The following GUCY1A2 variants were observed in gnomAD, a reference collection of about 807,000 sequenced individuals.
GUCY1A2 encodes the protein guanylate cyclase 1 soluble subunit alpha 2.
Under a neutral mutation model 63.5 loss-of-function variants are expected in GUCY1A2, and 27 were observed. That is an observed-to-expected ratio of 0.43 (90% confidence interval 0.31 to 0.59). The LOEUF (loss-of-function observed/expected upper bound fraction) is 0.59. Ranked by LOEUF, GUCY1A2 falls within the 20% of genes least tolerant of loss-of-function variation. The probability of loss-of-function intolerance (pLI) is 0.11; values close to 1 mark genes in which losing one functional copy is unlikely to be tolerated. For synonymous variants in GUCY1A2, 364 were observed against 343.5 expected (o/e 1.06, Z -0.66); for missense variants, 768 against 913.3 (o/e 0.84, Z 2.05).
intron 6 of GUCY1A2, among the ~76,000 whole-genome samples, chr11:106,709,187 T>C (rs1287704903): frequency 6.0e-5 from 7 of 115,770 alleles, no homozygotes; most frequent in Admixed American, 1.1e-4. Flanking sequence ...ATATTATATA[T>C]AACTATATAT....
At chr11:106,791,041 C>T (rs796575363) in intron 5 of GUCY1A2, among the ~76,000 whole-genome samples, 4 of 152,318 alleles carry the variant, frequency 2.6e-5, no homozygotes, top group East Asian at 3.9e-4. Flanking sequence ...CCAGGCCCAG[C>T]TCAGCACTAA....
intron 1 of GUCY1A2, among the ~76,000 whole-genome samples, chr11:106,987,467 T>C (rs141505963): frequency 5.7e-4 from 87 of 152,166 alleles, no homozygotes; most frequent in Middle Eastern, 3.4e-3. Flanking sequence ...CCTTGCCAAA[T>C]TGGTGAAACC....
At chr11:106,928,987 G>A (rs1279723626) in intron 4 of GUCY1A2, among the ~76,000 whole-genome samples, 8 of 152,142 alleles carry the variant, frequency 5.3e-5, no homozygotes, top group Non-Finnish European at 1.2e-4. Flanking sequence ...ACAGAATGAA[G>A]GGTTCTGAAT....
chr11:106,942,291 G>T (rs565816050), intron 3 of GUCY1A2, among the ~76,000 whole-genome samples: 2 of 152,106 alleles, frequency 1.3e-5, no homozygotes, highest in East Asian at 3.9e-4. Context: ...ATACTCTCCT[G>T]GTTTGATTAC....
intron 3 of GUCY1A2, among the ~76,000 whole-genome samples, chr11:106,944,538 C>T (rs1483394981): frequency 2.6e-5 from 4 of 152,040 alleles, no homozygotes; most frequent in Non-Finnish European, 5.9e-5. Context: ...AATAACTGAA[C>T]GGTACCAGGT....
chr11:106,815,049 T>C (rs76923096), intron 4 of GUCY1A2, among the ~76,000 whole-genome samples: 4,051 of 152,136 alleles, frequency 0.027, 165 homozygotes, highest in African/African-American at 0.092. Flanking sequence ...TAAATTCTTT[T>C]TAAATGAATT....
At chr11:106,967,606 T>A (rs1861142402) in intron 3 of GUCY1A2, among the ~76,000 whole-genome samples, 1 of 151,978 alleles carries the variant, frequency 6.6e-6, no homozygotes, top group Admixed American at 6.6e-5. Context: ...AATTGGGTGA[T>A]GCAAATGATG....
intron 7 of GUCY1A2, among the ~76,000 whole-genome samples, chr11:106,692,333 C>G (rs1862639871): frequency 6.6e-6 from 1 of 152,110 alleles, no homozygotes; most frequent in Non-Finnish European, 1.5e-5. Flanking sequence ...CTGCCTGTCA[C>G]CCTTTCTCTG....
chr11:106,871,693 G>A (rs1391056771), intron 4 of GUCY1A2, among the ~76,000 whole-genome samples: 2 of 152,034 alleles, frequency 1.3e-5, no homozygotes, highest in Admixed American at 1.3e-4. Flanking sequence ...AAAATGAAAT[G>A]GACATATTTC....
intron 4 of GUCY1A2, among the ~76,000 whole-genome samples, chr11:106,825,644 T>C (rs1157545117): frequency 6.6e-6 from 1 of 151,784 alleles, no homozygotes; most frequent in East Asian, 1.9e-4. Flanking sequence ...AGTGATACTT[T>C]AAGTTAAATA....
rs764957526 is a variant in GUCY1A2 at position 106,681,091 on chromosome 11, T to A, written c.*6458A>T. 6 of 209,400 alleles carry A rather than the reference T, an allele frequency of 2.9e-5. No homozygotes were observed. Among genetic ancestry groups the A allele is most frequent in the Non-Finnish European group, 4.9e-5 (5 of 102,880 alleles). 13.0% of individuals were successfully genotyped at this position (209,400 alleles called of 1,614,324 possible). ...ATTTTAAGTAGACTAAAAACATGAT[T>A]TTTTCATTTCGAAATCTGAAAGCTT... On this transcript the variant is annotated 3_prime_UTR_variant, in exon 8 of 8. Coordinates refer to ENST00000526355, the MANE Select transcript of GUCY1A2 (RefSeq NM_000855.3).
intron 6 of GUCY1A2, among the ~76,000 whole-genome samples, chr11:106,766,763 C>CT (rs1463695538): frequency 1.3e-5 from 2 of 151,948 alleles, no homozygotes; most frequent in African/African-American, 4.8e-5. Context: ...AAGAGTTAGG[C>CT]TACTCATGTT....
At chr11:106,956,534 C>T (rs1042195007) in intron 3 of GUCY1A2, among the ~76,000 whole-genome samples, 1 of 151,898 alleles carries the variant, frequency 6.6e-6, no homozygotes, top group African/African-American at 2.4e-5. Context: ...ATAATTGGTC[C>T]CTCTTCTGTA....
At chr11:106,722,784 CTGTGTGTGTGTGTG>C (rs5794487) in intron 6 of GUCY1A2, among the ~76,000 whole-genome samples, 6 of 148,964 alleles carry the variant, frequency 4.0e-5, no homozygotes, top group African/African-American at 1.2e-4. Context: ...AAGACCAGTT[CTGTGTGTGTGTGTG>C]TGTGTGTGTG....
chr11:106,922,423 C>T (rs1169771699), intron 4 of GUCY1A2, among the ~76,000 whole-genome samples: 1 of 151,404 alleles, frequency 6.6e-6, no homozygotes, highest in Non-Finnish European at 1.5e-5. Flanking sequence ...AAGAAACTCA[C>T]AATTTAATAA....
At chr11:106,994,307 CCT>C (rs1371073323) in intron 1 of GUCY1A2, among the ~76,000 whole-genome samples, 1 of 152,124 alleles carries the variant, frequency 6.6e-6, no homozygotes, top group Non-Finnish European at 1.5e-5. Flanking sequence ...AGTATTTTCC[CCT>C]TTGTTACATC....
chr11:106,813,397 G>T (rs1334561397), intron 4 of GUCY1A2, among the ~76,000 whole-genome samples: 8 of 151,878 alleles, frequency 5.3e-5, no homozygotes, highest in African/African-American at 1.9e-4. Context: ...GGGGGTACAT[G>T]TGCAGGTTTG....
At chr11:106,878,159 A>G (rs1353809876) in intron 4 of GUCY1A2, among the ~76,000 whole-genome samples, 1 of 152,106 alleles carries the variant, frequency 6.6e-6, no homozygotes, top group Non-Finnish European at 1.5e-5. Context: ...GAAGAATAAA[A>G]GCACTTATAC....
chr11:107,013,011 T>G (rs959678730), intron 1 of GUCY1A2, among the ~76,000 whole-genome samples: 2 of 152,196 alleles, frequency 1.3e-5, no homozygotes, highest in Non-Finnish European at 2.9e-5. Context: ...AAGTATTTTA[T>G]GCCTTTTCAT....
Sources: gnomAD v4.1 joint callset for allele counts (sites outside exome capture counted in the v4.1 genomes callset) on GRCh38, gnomAD v4.1.1 for gene constraint, MANE v1.5 for transcripts, NCBI Gene and HGNC (gene_info 2026-07-23, HGNC 2026-07-21) for gene names.